SNED1: variants seen among roughly 807,000 people sequenced by gnomAD.
SNED1 encodes sushi, nidogen and EGF like domains 1.
A neutral mutation model predicts 166.7 loss-of-function variants in SNED1; 81 were observed. That is an observed-to-expected ratio of 0.49 (90% CI 0.41 to 0.58). The LOEUF (loss-of-function observed/expected upper bound fraction) is 0.58, where lower values mean the gene tolerates loss of function less well. Ranked by LOEUF, SNED1 falls within the 20% of genes least tolerant of loss-of-function variation. The pLI, the probability that SNED1 is intolerant of heterozygous loss-of-function variation, is 0.00. For missense variants in SNED1, 1,604 were observed against 2,000.2 expected (o/e 0.80, Z 3.78); for synonymous variants, 762 against 822.0 (o/e 0.93, Z 1.25).
intron 24 of SNED1, 86 bp downstream of exon 24, chr2:241,070,287 C>A: frequency 7.3e-7 from 1 of 1,370,434 alleles, no homozygotes; most frequent in Non-Finnish European, 9.8e-7. Flanking sequence ...CCTGCAGGGG[C>A]CTGGGATGCC....
In SNED1 at chr2:241,073,587, C is replaced by T. The variant is rs1378143071; in HGVS notation, c.3916+223C>T. 1 of 590,522 alleles carries T rather than the reference C, an allele frequency of 1.7e-6. No homozygotes were observed. The highest frequency in any genetic ancestry group is 2.9e-5 in the Admixed American group (1 of 34,244). 36.6% of individuals were successfully genotyped at this position (590,522 alleles called of 1,614,324 possible). A position where few individuals can be genotyped will look rare whatever the true frequency, so the allele number is the denominator to read the frequency against. ...CGGGAACAGGCCAGGGGGCAGGACC[C>T]ACCCAAACCACCCAGAGTCTGAGCT... On this transcript the variant is annotated intron_variant, in intron 27 of 31. Transcript: ENST00000310397. This position sits in a 1 kb window ranked among gnomAD's most constrained non-coding sequence, Gnocchi z 6.6.
chr2:241,089,400 C>T (rs1250496958), intron 31 of SNED1: 1 of 1,550,336 alleles, frequency 6.5e-7, no homozygotes, highest in African/African-American at 1.4e-5. Context: ...ATTCAGGAAC[C>T]TTTAAAAACA....
intron 4 of SNED1, among the ~76,000 whole-genome samples, chr2:241,036,292 G>A (rs1240551323): frequency 2.0e-5 from 3 of 151,892 alleles, no homozygotes; most frequent in African/African-American, 7.3e-5. Flanking sequence ...TGAGCTTAGG[G>A]AGTCCGGGCT....
chr2:241,069,848 T>C lies in SNED1; in HGVS notation c.3308-72T>C. 6.5e-7 allele frequency: 1 copy of C among 1,539,844 alleles called. No individual in the cohort carries two copies. The highest frequency in any genetic ancestry group is 8.8e-7 in the Non-Finnish European group (1 of 1,137,688). On this transcript the variant is annotated intron_variant, in intron 23 of 31. Transcript: ENST00000310397. The surrounding 1 kb of genome is among the most constrained non-coding windows in gnomAD (Gnocchi z 4.9). ...CAAGGCTGCGGCAGCCCATGTCCGG[T>C]TCTCAAACCGTGTTCTTGCCAGAAG... is the stretch of plus-strand genomic sequence containing the variant.
At chr2:241,036,649 T>A (rs2061379947) in intron 4 of SNED1, 141 bp from the exon 5 acceptor site, 1 of 1,088,682 alleles carries the variant, frequency 9.2e-7, no homozygotes, top group South Asian at 1.5e-5. Flanking sequence ...ACCTGAAACC[T>A]GGCTGCTTTG....
chr2:241,051,889 C>G lies in SNED1; in HGVS notation c.1852+29C>G, dbSNP rs1194475064. 3.3e-6 allele frequency: 5 copies of G among 1,512,090 alleles called. No individual in the cohort carries two copies. The highest frequency in any genetic ancestry group is 4.5e-6 in the Non-Finnish European group (5 of 1,122,290). The allele number at this position is 1,512,090 out of a possible 1,614,324, so 93.7% of individuals were successfully genotyped here. On this transcript the variant is annotated intron_variant, in intron 13 of 31. Transcript: ENST00000310397. This position sits in a 1 kb window ranked among gnomAD's most constrained non-coding sequence, Gnocchi z 4.7. ...CGGCCCCCAGGGGCAGGGGGGAGGG[C>G]AGGAACGACGGGCCAGCCCTGAGCT...
At chr2:241,014,601 A>G (rs4365458) in intron 1 of SNED1, among the ~76,000 whole-genome samples, 3,537 of 152,160 alleles carry the variant, frequency 0.023, 141 homozygotes, top group African/African-American at 0.08. Flanking sequence ...CCTCTTTTCT[A>G]CAGAGTTATC....
At chr2:241,056,143 C>T (rs149139292) in intron 16 of SNED1, among the ~76,000 whole-genome samples, 2,358 of 151,920 alleles carry the variant, frequency 0.016, 25 homozygotes, top group Non-Finnish European at 0.025. Context: ...CTTTAAAATT[C>T]CATGAAAAAT....
chr2:241,089,010 G>A (rs891228225), intron 31 of SNED1: 11 of 307,992 alleles, frequency 3.6e-5, no homozygotes, highest in African/African-American at 2.2e-4. Context: ...ACTTCCTCTC[G>A]CCTTTGTTTA....
chr2:241,007,393 C>G (rs2060250268), intron 1 of SNED1, among the ~76,000 whole-genome samples: 1 of 152,226 alleles, frequency 6.6e-6, no homozygotes, highest in East Asian at 1.9e-4. Flanking sequence ...TTCCTTCAGT[C>G]CAAAACCTTG....
chr2:241,071,947 CCT>C, intron 26 of SNED1, 69 bp downstream of exon 26: 1 of 1,280,752 alleles, frequency 7.8e-7, no homozygotes, highest in Non-Finnish European at 1.1e-6. Context: ...CTCACCAGGT[CCT>C]GTCCCCTACA....
At chr2:241,065,965 G>T (rs1463410528) in intron 21 of SNED1, among the ~76,000 whole-genome samples, 2 of 152,262 alleles carry the variant, frequency 1.3e-5, no homozygotes, top group African/African-American at 2.4e-5. Context: ...GGGGGGGCTG[G>T]GACTCTGGGG....
chr2:241,080,120 A>C (rs922051770), intron 27 of SNED1, among the ~76,000 whole-genome samples: 23 of 152,112 alleles, frequency 1.5e-4, no homozygotes, highest in Non-Finnish European at 2.6e-4. Context: ...CCCCGTCTCT[A>C]CTAAAATACA....
intron 3 of SNED1, 21 bp from the exon 4 acceptor site, chr2:241,034,547 C>G (rs2061286818): frequency 1.9e-6 from 3 of 1,568,404 alleles, no homozygotes; most frequent in South Asian, 1.2e-5. Context: ...CTCCCTCACT[C>G]TGCCCCCACC....
rs947459662 is a variant in SNED1 at position 241,070,317 on chromosome 2, A to G, written c.3589+116A>G. 126 of 1,126,446 alleles carry G rather than the reference A, an allele frequency of 1.1e-4. No individual in the cohort carries two copies. In the African/African-American group the frequency reaches 1.7e-3, roughly 15 times the overall value. The allele number at this position is 1,126,446 out of a possible 1,614,324, so 69.8% of individuals were successfully genotyped here. On this transcript the variant is annotated intron_variant, in intron 24 of 31. Transcript: ENST00000310397. The stretch of plus-strand genomic sequence containing the variant: ...GATGCCAGGCAGACAGCCTAGAAAC[A>G]GGACCGTGTTAGCAGGGGAGGAGTC...
At chr2:241,039,529 G>A (rs911281029) in intron 6 of SNED1, among the ~76,000 whole-genome samples, 4 of 152,066 alleles carry the variant, frequency 2.6e-5, no homozygotes, top group Non-Finnish European at 5.9e-5. Flanking sequence ...GCCAGCATCC[G>A]GTGAGGAGGG....
intron 17 of SNED1, 39 bp from the exon 18 acceptor site, chr2:241,063,548 T>G (rs2062312579): frequency 7.0e-7 from 1 of 1,430,486 alleles, no homozygotes. Context: ...CGCCTCAGAC[T>G]TGAGCCAGCA....
intron 1 of SNED1, among the ~76,000 whole-genome samples, chr2:241,008,852 C>G (rs988574265): frequency 2.6e-5 from 4 of 152,240 alleles, no homozygotes; most frequent in African/African-American, 9.6e-5. Context: ...AATGCCTCCA[C>G]ACAGGAGGGC....
chr2:241,025,815 T>A (rs771792593), intron 1 of SNED1, among the ~76,000 whole-genome samples: 5 of 152,124 alleles, frequency 3.3e-5, no homozygotes, highest in Non-Finnish European at 7.4e-5. Context: ...CTTTCATTGT[T>A]GTATATGAGA....
Sources: gnomAD v4.1 joint callset for allele counts (sites outside exome capture counted in the v4.1 genomes callset) on GRCh38, gnomAD v4.1.1 for gene constraint, Gnocchi (gnomAD v3.1) non-coding constraint, MANE v1.5 for transcripts, NCBI Gene and HGNC (gene_info 2026-07-23, HGNC 2026-07-21) for gene names.